LRMDA: variants seen among roughly 807,000 people sequenced by gnomAD.
LRMDA encodes leucine-rich melanocyte differentiation-associated protein.
Under a neutral mutation model 29.8 loss-of-function variants are expected in LRMDA, and 18 were observed. That is an observed-to-expected ratio of 0.60 (90% confidence interval 0.42 to 0.90). The LOEUF is 0.90. Among genes scored for constraint, LRMDA ranks in the 40% least tolerant of loss-of-function variants. LRMDA has a pLI of 0.00. For synonymous variants in LRMDA, 125 were observed against 109.4 expected, an observed-to-expected ratio of 1.14 and a Z score of -0.89; for missense variants, 273 against 273.9, an observed-to-expected ratio of 1.00 and a Z score of 0.02.
chr10:76,303,168 A>G (rs537805901), intron 5 of LRMDA, among the ~76,000 whole-genome samples: 8 of 150,542 alleles, frequency 5.3e-5, no homozygotes, highest in African/African-American at 1.9e-4. Context: ...CTACTTGTCC[A>G]GATGTATCAG....
At chr10:75,578,215 C>CAAAGAAAAAAAAAAAAAAA (rs1840533614) in intron 2 of LRMDA, among the ~76,000 whole-genome samples, 1 of 14,226 alleles carries the variant, frequency 7.0e-5, no homozygotes, top group Admixed American at 1.6e-3. Context: ...AAATGGAAAG[C>CAAAGAAAAAAAAAAAAAAA]AAAAAAAAAA....
intron 2 of LRMDA, among the ~76,000 whole-genome samples, chr10:75,594,150 G>A (rs947361532): frequency 5.9e-5 from 9 of 152,148 alleles, no homozygotes; most frequent in African/African-American, 1.9e-4. Context: ...AGGGTGCCCC[G>A]GGTGCCCCTG....
Position 75,923,717 on chromosome 10 carries a change from G to A in LRMDA, c.132-112291G>A, listed in dbSNP as rs928639460. Among the ~76,000 whole-genome samples the A allele has an allele frequency of 2.6e-5, 4 of 152,250 alleles. No homozygotes were observed. In the East Asian group the frequency reaches 7.7e-4, roughly 29 times the overall value. On this transcript the variant is annotated intron_variant, in intron 2 of 6. Transcript: ENST00000611255. ...CTTTCTCTGCTTGTTCTAAATAGGA[G>A]AAAATAATTTTAAAGACTCCTTTTA...
intron 2 of LRMDA, among the ~76,000 whole-genome samples, chr10:75,655,979 T>C (rs1841669848): frequency 6.6e-6 from 1 of 152,220 alleles, no homozygotes; most frequent in African/African-American, 2.4e-5. Context: ...GTGACCCATC[T>C]GTTTGCACTG....
chr10:75,485,079 C>A (rs890266863), intron 2 of LRMDA, among the ~76,000 whole-genome samples: 1 of 152,146 alleles, frequency 6.6e-6, no homozygotes, highest in Admixed American at 6.5e-5. Context: ...ATACTTGGGG[C>A]CAGGCATTTG....
intron 6 of LRMDA, among the ~76,000 whole-genome samples, chr10:76,483,273 T>C (rs1842749775): frequency 6.6e-6 from 1 of 151,928 alleles, no homozygotes; most frequent in Admixed American, 6.6e-5. Flanking sequence ...TTAAGAAATA[T>C]TAGCTATGTT....
At chr10:75,528,226 G>A (rs1199677129) in intron 2 of LRMDA, among the ~76,000 whole-genome samples, 1 of 152,204 alleles carries the variant, frequency 6.6e-6, no homozygotes, top group Non-Finnish European at 1.5e-5. Context: ...AAGTACCTCT[G>A]AAAATATCTC....
At chr10:75,862,533 T>C (rs1486648176) in intron 2 of LRMDA, among the ~76,000 whole-genome samples, 2 of 152,268 alleles carry the variant, frequency 1.3e-5, no homozygotes, top group African/African-American at 2.4e-5. Context: ...CTGGAAGAAT[T>C]TATAAATCCA....
intron 6 of LRMDA, among the ~76,000 whole-genome samples, chr10:76,458,125 C>CA (rs66952051): frequency 0.017 from 2,391 of 140,078 alleles, 69 homozygotes; most frequent in African/African-American, 0.059. Context: ...CTAGTGCTTT[C>CA]AAAAAAAAAA....
intron 2 of LRMDA, among the ~76,000 whole-genome samples, chr10:75,751,875 G>T (rs185335588): frequency 3.9e-4 from 59 of 152,298 alleles, no homozygotes; most frequent in Admixed American, 1.3e-3. Flanking sequence ...CCTGAAGTGG[G>T]CTGTGCATCC....
rs1195479996 is a variant in LRMDA at position 76,058,911 on chromosome 10, A to G, written c.516+128A>G. The G allele has an allele frequency of 4.1e-6, 3 of 731,940 alleles. No homozygotes were observed. In the Admixed American group the frequency reaches 6.6e-5, roughly 16 times the overall value. The allele number at this position is 731,940 out of a possible 1,614,324, so 45.3% of individuals were successfully genotyped here. On this transcript the variant is annotated intron_variant, in intron 5 of 6. Transcript: ENST00000611255. ...GGAATCTCACATGAAGGGTCCTTCCATGGATACATTGTTGGCCAAACATGA... is the reference window on the plus strand; with the variant it reads ...GGAATCTCACATGAAGGGTCCTTCCGTGGATACATTGTTGGCCAAACATGA...
intron 6 of LRMDA, among the ~76,000 whole-genome samples, chr10:76,508,833 G>A (rs1842983064): frequency 6.6e-6 from 1 of 152,152 alleles, no homozygotes; most frequent in Non-Finnish European, 1.5e-5. Context: ...AACTCAAGAA[G>A]TTAAATAATA....
intron 4 of LRMDA, among the ~76,000 whole-genome samples, chr10:76,050,441 C>T (rs1351910061): frequency 6.6e-6 from 1 of 152,188 alleles, no homozygotes; most frequent in Non-Finnish European, 1.5e-5. Context: ...GCACCCTGGC[C>T]CCACTGGGGC....
At chr10:76,046,046 A>G (rs368335659) in intron 3 of LRMDA, among the ~76,000 whole-genome samples, 2 of 152,176 alleles carry the variant, frequency 1.3e-5, no homozygotes, top group African/African-American at 2.4e-5. Context: ...TCACGCTTGC[A>G]TATGGCATTT....
chr10:76,485,134 A>G (rs1842769181), intron 6 of LRMDA, among the ~76,000 whole-genome samples: 1 of 151,968 alleles, frequency 6.6e-6, no homozygotes, highest in East Asian at 1.9e-4. Flanking sequence ...TTTCATTTAC[A>G]GTGATTACCG....
intron 2 of LRMDA, among the ~76,000 whole-genome samples, chr10:75,843,142 T>C (rs1844570715): frequency 6.6e-6 from 1 of 152,158 alleles, no homozygotes; most frequent in African/African-American, 2.4e-5. Flanking sequence ...GCACAATGCC[T>C]GGGAAAAAAA....
chr10:76,419,212 C>T (rs1294114305), intron 6 of LRMDA, among the ~76,000 whole-genome samples: 3 of 151,942 alleles, frequency 2.0e-5, no homozygotes, highest in African/African-American at 7.2e-5. Context: ...GTTTCACTGC[C>T]CTGAAAATCT....
intron 6 of LRMDA, among the ~76,000 whole-genome samples, chr10:76,503,882 CT>C (rs1170664006): frequency 0.013 from 1,690 of 133,306 alleles, 9 homozygotes; most frequent in Middle Eastern, 0.04. Context: ...GGGGTTGGTT[CT>C]TTTTTTTTTT....
chr10:76,106,098 C>T lies in LRMDA; in HGVS notation c.516+47315C>T, dbSNP rs1263134726. Among the ~76,000 whole-genome samples the T allele has an allele frequency of 3.9e-5, 6 of 152,094 alleles. No homozygotes were observed. The East Asian group carries it at 1.2e-3, about 29-fold the overall frequency. On this transcript the variant is annotated intron_variant, in intron 5 of 6. Transcript: ENST00000611255. ...GTTTGTGGTCATTTGTTATAGCAGCCCCAGGAAACTATTAGTATAGTGCCC... is the reference window on the plus strand; with the variant it reads ...GTTTGTGGTCATTTGTTATAGCAGCTCCAGGAAACTATTAGTATAGTGCCC...
Sources: allele counts gnomAD v4.1 joint callset (sites outside exome capture counted in the v4.1 genomes callset), GRCh38; gene constraint gnomAD v4.1.1; transcripts MANE v1.5; gene names NCBI Gene and HGNC (gene_info 2026-07-23, HGNC 2026-07-21).